Variants in PCM1 observed in about 807,000 individuals in gnomAD.
The protein encoded by PCM1 is pericentriolar material 1 protein.
A neutral mutation model predicts 241.9 loss-of-function variants in PCM1; 157 were observed. The observed-to-expected ratio is 0.65, with a 90% CI of 0.57 to 0.74. The LOEUF (loss-of-function observed/expected upper bound fraction) is 0.74, where lower values mean the gene tolerates loss of function less well. Among genes scored for constraint, PCM1 ranks in the 30% least tolerant of loss-of-function variants. The probability of loss-of-function intolerance (pLI) is 0.00; values close to 1 mark genes in which losing one functional copy is unlikely to be tolerated. For missense variants in PCM1, 3,478 were observed against 2,360.1 expected, an observed-to-expected ratio of 1.47 and a Z score of -9.81; for synonymous variants, 1,085 against 784.9, an observed-to-expected ratio of 1.38 and a Z score of -6.39.
chr8:17,961,765 A>C (rs2072287233), intron 15 of PCM1, among the ~76,000 whole-genome samples: 1 of 152,146 alleles, frequency 6.6e-6, no homozygotes, highest in African/African-American at 2.4e-5. Flanking sequence ...AATATGTTGC[A>C]AAGGTGGGTT....
intron 29 of PCM1, among the ~76,000 whole-genome samples, chr8:18,003,475 A>C (rs1399315887): frequency 6.6e-6 from 1 of 152,134 alleles, no homozygotes; most frequent in Non-Finnish European, 1.5e-5. Context: ...TTTCTCTGTC[A>C]GTTTCTCCTG....
At chr8:17,935,143 C>G (rs751371066) in intron 2 of PCM1, among the ~76,000 whole-genome samples, 3 of 152,214 alleles carry the variant, frequency 2.0e-5, no homozygotes, top group East Asian at 1.9e-4. Context: ...GAGCAGTTCT[C>G]CCGTCTTTGA....
chr8:17,933,621 C>T (rs1482120360), intron 2 of PCM1, among the ~76,000 whole-genome samples: 1 of 152,120 alleles, frequency 6.6e-6, no homozygotes, highest in African/African-American at 2.4e-5. Flanking sequence ...TGCTTCTTGA[C>T]ATAGAGCCAA....
In PCM1 at chr8:18,010,640, C is replaced by G. The variant is rs1458307297; in HGVS notation, c.5192C>G (p.Pro1731Arg). 4 of 1,603,282 alleles carry G rather than the reference C, an allele frequency of 2.5e-6. No homozygotes were observed. The highest frequency in any genetic ancestry group is 1.4e-5 in the African/African-American group (1 of 73,958). ...AGGATTCTTGAAGATCATGGCTCACCTGCTGGAGAGATTGATGATGAAGAC... is the reference window on the plus strand; with the variant it reads ...AGGATTCTTGAAGATCATGGCTCACGTGCTGGAGAGATTGATGATGAAGAC... The part of the protein sequence containing the change: ...AKRILEDHGS[P>R]AGEIDDEDKD... The change falls in exon 32 of 39, where the codon CCT becomes CGT. Residue 1731 changes from proline to arginine, a missense_variant. Coordinates refer to ENST00000325083, the MANE Select transcript of PCM1 (RefSeq NM_006197.4).
At chr8:17,996,098 T>C (rs184837003) in intron 29 of PCM1, among the ~76,000 whole-genome samples, 206 of 152,334 alleles carry the variant, frequency 1.4e-3, no homozygotes, top group African/African-American at 4.7e-3. Context: ...AAAGTGGACA[T>C]CCTTGTTGTG....
At chr8:18,017,925 C>G (rs921761867) in intron 36 of PCM1, among the ~76,000 whole-genome samples, 2 of 152,110 alleles carry the variant, frequency 1.3e-5, no homozygotes, top group African/African-American at 4.8e-5. Context: ...AAGGGATTCT[C>G]TGGTATGTTA....
intron 21 of PCM1, 132 bp downstream of exon 21, chr8:17,967,302 A>ACC: frequency 1.7e-6 from 1 of 599,264 alleles, no homozygotes; most frequent in East Asian, 3.3e-5. Flanking sequence ...AAAGTTACAA[A>ACC]CTCTTTTTTT....
intron 36 of PCM1, among the ~76,000 whole-genome samples, chr8:18,022,185 T>C (rs1042300997): frequency 2.0e-5 from 3 of 152,102 alleles, no homozygotes; most frequent in Non-Finnish European, 2.9e-5. Flanking sequence ...TGACAACCTA[T>C]AGGTGACTTA....
At chr8:17,967,282 G>T in intron 21 of PCM1, 112 bp downstream of exon 21, 25 of 664,136 alleles carry the variant, frequency 3.8e-5, no homozygotes, top group Middle Eastern at 3.5e-4. Context: ...GGTAGGAAAT[G>T]TTTGCAAAGA....
rs1236259577 is a variant in PCM1 at position 17,966,022 on chromosome 8, C to T, written c.2879C>T (p.Ser960Leu). Residue 960 changes from serine to leucine, a missense_variant, in exon 19 of 39, where the codon TCG (serine) becomes TTG (leucine). Physicochemically the swap from Ser to Leu is moderately radical, Grantham distance 145 (BLOSUM62 -2). Coordinates refer to ENST00000325083, the MANE Select transcript of PCM1 (RefSeq NM_006197.4). ...AGGTGGAAGAACAATTGCCCTTTTT[C>T]GGCAGATGAAAATTATCGTCCTTTA... is the stretch of plus-strand genomic sequence containing the variant. ...KNRWKNNCPF[S>L]ADENYRPLAK... 5.0e-6 allele frequency: 8 copies of T among 1,609,268 alleles called. No homozygotes were observed. Among genetic ancestry groups the T allele is most frequent in the South Asian group, 1.1e-5 (1 of 90,188 alleles).
At chr8:17,952,858 C>T in intron 8 of PCM1, 112 bp from the exon 9 acceptor site, 1 of 691,830 alleles carries the variant, frequency 1.4e-6, no homozygotes. Context: ...ACCAGCACAG[C>T]CTAGCAAATA....
intron 32 of PCM1, among the ~76,000 whole-genome samples, 196 bp from the exon 33 acceptor site, chr8:18,011,041 A>G (rs1427216816): frequency 6.6e-6 from 1 of 152,190 alleles, no homozygotes; most frequent in African/African-American, 2.4e-5. Flanking sequence ...CTTTCACCTT[A>G]ATGTTTGAAA....
intron 29 of PCM1, among the ~76,000 whole-genome samples, chr8:17,995,251 C>G (rs930661737): frequency 7.9e-5 from 12 of 151,434 alleles, no homozygotes; most frequent in African/African-American, 2.9e-4. Context: ...ATATGGATAT[C>G]CAGTTACCCC....
In PCM1 at chr8:17,952,499, A is replaced by G. The variant is rs1046902384; in HGVS notation, c.1072-471A>G. ...AGCTCTCAGTATCTGTGGGTTCCAC[A>G]TCCATGGATTCAACCAACCATGGAT... is the stretch of plus-strand genomic sequence containing the variant. On this transcript the variant is annotated intron_variant, in intron 8 of 38. Coordinates refer to ENST00000325083, the MANE Select transcript of PCM1 (RefSeq NM_006197.4). Among the ~76,000 whole-genome samples the G allele has an allele frequency of 6.6e-5, 10 of 152,322 alleles. No homozygotes were observed. The East Asian group carries it at 1.9e-3, about 29-fold the overall frequency.
intron 16 of PCM1, among the ~76,000 whole-genome samples, chr8:17,962,499 A>G (rs994859590): frequency 6.6e-6 from 1 of 152,190 alleles, no homozygotes; most frequent in Non-Finnish European, 1.5e-5. Flanking sequence ...AGCAAATAGT[A>G]ATCATTTCAG....
At position 18,029,512 on chromosome 8, in the gene PCM1, A is replaced by G. The variant is rs1250374681; in HGVS notation, c.*1850A>G. On this transcript the variant is annotated 3_prime_UTR_variant, in exon 39 of 39. Transcript: ENST00000325083. ...TGTTTCTCTCTCTGTCTGCATGCATATTAAAGTGGAAAAATTGTATTTATA... is the reference window on the plus strand; with the variant it reads ...TGTTTCTCTCTCTGTCTGCATGCATGTTAAAGTGGAAAAATTGTATTTATA... The G allele has an allele frequency of 2.3e-5, 5 of 213,714 alleles. No homozygotes were observed. Among genetic ancestry groups the G allele is most frequent in the Admixed American group, 5.8e-5 (1 of 17,148 alleles). 13.2% of individuals were successfully genotyped at this position (213,714 alleles called of 1,614,324 possible). A position where few individuals can be genotyped will look rare whatever the true frequency, so the allele number is the denominator to read the frequency against.
intron 26 of PCM1, 91 bp from the exon 27 acceptor site, chr8:17,989,768 T>C: frequency 1.1e-6 from 1 of 924,598 alleles, no homozygotes; most frequent in Non-Finnish European, 1.6e-6. Context: ...AAGTGTACAA[T>C]TTTATGTAAA....
chr8:17,964,260 A>G (rs2073905724), intron 17 of PCM1, among the ~76,000 whole-genome samples: 1 of 152,216 alleles, frequency 6.6e-6, no homozygotes, highest in Non-Finnish European at 1.5e-5. Context: ...GTTCTGCTGA[A>G]CTGCACTGAT....
chr8:17,947,157 A>G (rs1420188613), intron 6 of PCM1, 29 bp from the exon 7 acceptor site: 4 of 1,459,730 alleles, frequency 2.7e-6, no homozygotes, highest in African/African-American at 2.8e-5. Context: ...TAATAGTCAG[A>G]TACAAGTATT....
Sources: allele counts gnomAD v4.1 joint callset (sites outside exome capture counted in the v4.1 genomes callset), GRCh38; gene constraint gnomAD v4.1.1; transcripts MANE v1.5; gene names NCBI Gene and HGNC (gene_info 2026-07-23, HGNC 2026-07-21).